Variants in BET1 observed in about 807,000 individuals in gnomAD.
BET1 encodes BET1 homolog.
In BET1, 9 loss-of-function variants were observed where a neutral mutation model predicts 13.9. That is an observed-to-expected ratio of 0.65 (90% confidence interval 0.39 to 1.13). BET1 has a LOEUF of 1.13. BET1 is among the 50% of genes most tolerant of loss of function. The pLI, the probability that BET1 is intolerant of heterozygous loss-of-function variation, is 0.01. For synonymous variants in BET1, 39 were observed against 47.3 expected (o/e 0.82, Z 0.72); for missense variants, 127 against 133.6 (o/e 0.95, Z 0.24).
intron 3 of BET1, chr7:93,995,968 T>C (rs1240649150): frequency 7.1e-6 from 3 of 424,332 alleles, no homozygotes; most frequent in East Asian, 7.4e-5. Flanking sequence ...GTCTCTACTA[T>C]TGAGACTTCT....
intron 6 of BET1, among the ~76,000 whole-genome samples, chr7:93,968,026 G>A (rs974036861): frequency 1.3e-5 from 2 of 151,570 alleles, no homozygotes; most frequent in African/African-American, 4.8e-5. Flanking sequence ...TTTTCTTAAC[G>A]TAATAATGAG....
intron 2 of BET1, among the ~76,000 whole-genome samples, chr7:93,998,309 C>A (rs976060165): frequency 6.6e-6 from 1 of 152,118 alleles, no homozygotes; most frequent in Admixed American, 6.5e-5. Context: ...ATATTCTAAA[C>A]GAGGACTGTG....
intron 4 of BET1, among the ~76,000 whole-genome samples, chr7:93,983,453 TATA>T (rs917525959): frequency 6.6e-6 from 1 of 152,154 alleles, no homozygotes; most frequent in African/African-American, 2.4e-5. Flanking sequence ...GATTAAAATT[TATA>T]ATAATTCCTC....
chr7:93,976,248 G>C (rs1233041215), intron 4 of BET1: 2 of 528,804 alleles, frequency 3.8e-6, no homozygotes, highest in African/African-American at 4.0e-5. Context: ...TTATGTGATA[G>C]AAAGCTTTCT....
At chr7:93,976,336 T>C (rs907759196) in intron 4 of BET1, among the ~76,000 whole-genome samples, 36 of 140,170 alleles carry the variant, frequency 2.6e-4, no homozygotes, top group African/African-American at 1.0e-3. Flanking sequence ...TTTAAAGATA[T>C]CTACTTATTG....
At chr7:93,982,223 T>C (rs141173867) in intron 4 of BET1, among the ~76,000 whole-genome samples, 3 of 152,260 alleles carry the variant, frequency 2.0e-5, no homozygotes, top group Admixed American at 1.3e-4. Flanking sequence ...AATATAGATA[T>C]ATAGATCAGT....
intron 1 of BET1, 84 bp downstream of exon 1, chr7:94,004,114 A>T: frequency 1.3e-6 from 2 of 1,595,548 alleles, no homozygotes; most frequent in Non-Finnish European, 1.7e-6. Context: ...AATGCCAGGA[A>T]CATAAGACAG....
At position 93,994,030 on chromosome 7, in the gene BET1, G is replaced by A; in HGVS notation, c.*200C>T. ...CCTCTCACTACCCCTGAAAATAGGG[G>A]CTAAAATGAGTCATTAAGAAACAGT... On this transcript the variant is annotated 3_prime_UTR_variant, in exon 4 of 4. Transcript: ENST00000222547. 2 of 1,481,116 alleles carry A rather than the reference G, an allele frequency of 1.4e-6. No individual in the cohort carries two copies. Among genetic ancestry groups the A allele is most frequent in the South Asian group, 2.8e-5 (2 of 72,222 alleles). The allele number at this position is 1,481,116 out of a possible 1,614,324, so 91.7% of individuals were successfully genotyped here. A position where few individuals can be genotyped will look rare whatever the true frequency, so the allele number is the denominator to read the frequency against.
rs1795205970 is a variant in BET1, at chr7:93,968,236, A to C, written c.*138-2549T>G. ...TAGAAAGAATTGCAATAGCGTTGGC[A>C]TTGTCTTACAGAAATACACCTGATT... On this transcript the variant is annotated intron_variant and NMD_transcript_variant, in intron 6 of 6. Transcript: ENST00000357520. 6 of 151,828 alleles carry C rather than the reference A, an allele frequency of 4.0e-5. No individual in the cohort carries two copies. In the South Asian group the frequency reaches 1.2e-3, roughly 31 times the overall value. 9.4% of individuals were successfully genotyped at this position (151,828 alleles called of 1,614,324 possible). A position where few individuals can be genotyped will look rare whatever the true frequency, so the allele number is the denominator to read the frequency against.
At chr7:93,970,197 T>C (rs1795238146) in intron 6 of BET1, among the ~76,000 whole-genome samples, 2 of 151,856 alleles carry the variant, frequency 1.3e-5, no homozygotes. Flanking sequence ...TTGCAAAGAA[T>C]ATTCACCAAG....
At chr7:93,988,903 C>T (rs920959771), downstream of BET1, among the ~76,000 whole-genome samples, 28 of 149,312 alleles carry the variant, frequency 1.9e-4, no homozygotes, top group African/African-American at 6.4e-4. Flanking sequence ...AATTCTAAGA[C>T]ACACAGTGGT....
chr7:93,990,385 T>A (rs1414845092), downstream of BET1, among the ~76,000 whole-genome samples: 3 of 152,070 alleles, frequency 2.0e-5, no homozygotes, highest in Non-Finnish European at 4.4e-5. Flanking sequence ...GCAATAATTA[T>A]AAATATTCTT....
At chr7:93,975,283 A>G (rs1225517028) in intron 5 of BET1, among the ~76,000 whole-genome samples, 1 of 152,130 alleles carries the variant, frequency 6.6e-6, no homozygotes, top group Non-Finnish European at 1.5e-5. Flanking sequence ...CCATTAAAGC[A>G]ACTGTATTTT....
intron 4 of BET1, among the ~76,000 whole-genome samples, chr7:93,977,227 G>A (rs1194297500): frequency 3.3e-5 from 5 of 152,040 alleles, no homozygotes; most frequent in African/African-American, 7.2e-5. Context: ...TTGGGAAGTC[G>A]AGGCAGGCAG....
At chr7:93,975,805 T>C (rs1300752268) in intron 5 of BET1, 1 of 480,502 alleles carries the variant, frequency 2.1e-6, no homozygotes, top group African/African-American at 2.0e-5. Flanking sequence ...AATGTCATGA[T>C]GTTCTCTTTT....
Position 93,993,899 on chromosome 7 carries a change from T to G in BET1, c.*331A>C. On this transcript the variant is annotated 3_prime_UTR_variant, in exon 4 of 4. Coordinates refer to ENST00000222547, the MANE Select transcript of BET1 (RefSeq NM_005868.6). The stretch of plus-strand genomic sequence containing the variant: ...TACTCTCCCACTAAGTTTCCTTACA[T>G]GGGACATAAACCTGCATTTATGATT... 1 of 1,535,878 alleles carries G rather than the reference T, an allele frequency of 6.5e-7. No individual in the cohort carries two copies. The highest frequency in any genetic ancestry group is 8.7e-7 in the Non-Finnish European group (1 of 1,146,780).
chr7:94,002,737 C>T (rs1480874410), intron 1 of BET1, among the ~76,000 whole-genome samples: 1 of 152,190 alleles, frequency 6.6e-6, no homozygotes, highest in Non-Finnish European at 1.5e-5. Context: ...AAGATCTCCA[C>T]AGTGTGATCC....
downstream of BET1, among the ~76,000 whole-genome samples, chr7:93,989,476 C>CAAA (rs1223640011): frequency 6.6e-6 from 1 of 152,068 alleles, no homozygotes; most frequent in East Asian, 1.9e-4. Flanking sequence ...TAGCCATGCC[C>CAAA]AAAAGGTAGA....
At chr7:93,985,711 G>A (rs188856180) in intron 4 of BET1, among the ~76,000 whole-genome samples, 1 of 152,278 alleles carries the variant, frequency 6.6e-6, no homozygotes, top group East Asian at 1.9e-4. Context: ...TAATATAAAT[G>A]TGCTTTTAAC....
Sources: gnomAD v4.1 joint callset for allele counts (sites outside exome capture counted in the v4.1 genomes callset) on GRCh38, gnomAD v4.1.1 for gene constraint, MANE v1.5 for transcripts, NCBI Gene and HGNC (gene_info 2026-07-23, HGNC 2026-07-21) for gene names.